The following WDHD1 variants were observed in gnomAD, a reference collection of about 807,000 sequenced individuals.
The protein encoded by WDHD1 is WD repeat and HMG-box DNA-binding protein 1.
Under a neutral mutation model 135.4 loss-of-function variants are expected in WDHD1, and 111 were observed. The ratio of observed to expected loss-of-function variants is 0.82; its 90% confidence interval spans 0.70 to 0.96. The LOEUF (loss-of-function observed/expected upper bound fraction) is 0.96. Ranked by LOEUF, WDHD1 falls within the 40% of genes least tolerant of loss-of-function variation. WDHD1 has a pLI of 0.00. For synonymous variants in WDHD1, 434 were observed against 439.0 expected (o/e 0.99, Z 0.14); for missense variants, 1,351 against 1,336.3 (o/e 1.01, Z -0.17).
chr14:55,013,317 A>G (rs1163171748), intron 3 of WDHD1, among the ~76,000 whole-genome samples, 168 bp downstream of exon 3: 1 of 151,890 alleles, frequency 6.6e-6, no homozygotes, highest in African/African-American at 2.4e-5. Context: ...TTCACACCCC[A>G]TCTCAAAAAA....
chr14:54,952,279 G>C (rs2041070781), intron 24 of WDHD1, among the ~76,000 whole-genome samples: 1 of 152,152 alleles, frequency 6.6e-6, no homozygotes, highest in South Asian at 2.1e-4. Context: ...AAGCTGATAG[G>C]GAACTTCAGC....
rs749191479 is a variant in WDHD1, at chr14:54,995,706, T to C, written c.1050A>G (p.Ser350=). The C allele has an allele frequency of 1.9e-6, 3 of 1,613,672 alleles. No individual in the cohort carries two copies. The East Asian group carries it at 6.7e-5, about 36-fold the overall frequency. Residue 350 remains serine, a synonymous_variant, in exon 11 of 26, where the codon TCA becomes TCG. Transcript: ENST00000360586. ...CCTCATCATCATTTATAATCCCTTT[T>C]GAAAAAGAAGGGATCTCAACTGCAT... The part of the protein sequence containing the change: ...NDNAVEIPSF[S]KGIINDDEDD...
intron 2 of WDHD1, among the ~76,000 whole-genome samples, chr14:55,014,180 G>A (rs945873950): frequency 5.9e-5 from 9 of 152,088 alleles, no homozygotes; most frequent in Non-Finnish European, 8.8e-5. Flanking sequence ...TAAACCCTCC[G>A]CCTCCCAGGC....
chr14:54,976,751 TAATA>T (rs890326971), intron 16 of WDHD1, among the ~76,000 whole-genome samples: 4 of 151,132 alleles, frequency 2.6e-5, no homozygotes, highest in East Asian at 1.9e-4. Context: ...AAATAATAAA[TAATA>T]AATAAATAAA....
chr14:55,013,465 G>T lies in WDHD1; in HGVS notation c.189+20C>A. ...ATGCCAGTATCATTTCATATCAATTGATATAACTGTTTTTACTACCTTCAA... is the reference window on the plus strand; with the variant it reads ...ATGCCAGTATCATTTCATATCAATTTATATAACTGTTTTTACTACCTTCAA... On this transcript the variant is annotated intron_variant, in intron 3 of 25. Transcript: ENST00000360586. 6.6e-7 allele frequency: 1 copy of T among 1,526,410 alleles called. No individual in the cohort carries two copies. The highest frequency in any genetic ancestry group is 1.1e-5 in the South Asian group (1 of 89,100). 94.6% of individuals were successfully genotyped at this position (1,526,410 alleles called of 1,614,324 possible). A position where few individuals can be genotyped will look rare whatever the true frequency, so the allele number is the denominator to read the frequency against.
chr14:55,022,613 C>T (rs1195204759), intron 2 of WDHD1, among the ~76,000 whole-genome samples: 1 of 151,784 alleles, frequency 6.6e-6, no homozygotes, highest in Non-Finnish European at 1.5e-5. Context: ...ACCCAGGAGG[C>T]GGAGGTTGCA....
chr14:54,957,987 G>A (rs1275645158), intron 21 of WDHD1, among the ~76,000 whole-genome samples: 5 of 152,094 alleles, frequency 3.3e-5, no homozygotes, highest in African/African-American at 1.2e-4. Flanking sequence ...GACCTATCAA[G>A]TTTCTTGACA....
chr14:55,016,230 A>G (rs1370071412), intron 2 of WDHD1, among the ~76,000 whole-genome samples: 3 of 152,206 alleles, frequency 2.0e-5, no homozygotes, highest in Non-Finnish European at 4.4e-5. Context: ...TATTAATTTT[A>G]TTGATTGCTA....
intron 18 of WDHD1, among the ~76,000 whole-genome samples, chr14:54,963,532 C>T (rs573502585): frequency 6.6e-6 from 1 of 152,030 alleles, no homozygotes; most frequent in African/African-American, 2.4e-5. Context: ...AGGCTGGGCA[C>T]GGTGGCTCAC....
intron 7 of WDHD1, among the ~76,000 whole-genome samples, chr14:55,003,162 A>G (rs746983873): frequency 2.0e-5 from 3 of 152,182 alleles, no homozygotes; most frequent in Non-Finnish European, 4.4e-5. Context: ...AAAAAAATAC[A>G]TACTACATTT....
chr14:55,002,145 C>T lies in WDHD1; in HGVS notation c.641G>A (p.Arg214Lys). 6.2e-7 allele frequency: 1 copy of T among 1,606,366 alleles called. No homozygotes were observed. The change falls in exon 8 of 26, where the codon AGA (arginine) becomes AAA (lysine). Residue 214 changes from arginine to lysine, a missense_variant. By Grantham distance (26) the Arg-to-Lys change is conservative (BLOSUM62 2). Transcript: ENST00000360586. ...AAATTGATGACTCCAAGATTCTCTT[C>T]TATATAGCTTAACAGATTTTTCCAC... is the stretch of plus-strand genomic sequence containing the variant. ...IPVEKSVKLY[R>K]RESWSHQFDL...
In WDHD1 at chr14:54,981,610, T is replaced by C. The variant is rs1287659193; in HGVS notation, c.1993A>G (p.Arg665Gly). Residue 665 changes from arginine to glycine, a missense_variant, in exon 16 of 26, where the codon AGA (arginine) becomes GGA (glycine). By Grantham distance (125) the Arg-to-Gly change is moderately radical (BLOSUM62 -2). This residue lies in a region of WDHD1 where 1,330 missense variants were observed against 1,296.1 expected (regional missense o/e 1.03). Transcript: ENST00000360586. Reference protein sequence around the residue: ...GNTWTPICNTREHCKGKSDHY... With the variant: ...GNTWTPICNTGEHCKGKSDHY... ...TCAGATTTTCCTTTGCAGTGCTCTC[T>C]TGTATTACATATAGGAGTCCACGTA... is the stretch of plus-strand genomic sequence containing the variant. 2 of 1,613,388 alleles carry C rather than the reference T, an allele frequency of 1.2e-6. No individual in the cohort carries two copies. The highest frequency in any genetic ancestry group is 1.7e-6 in the Non-Finnish European group (2 of 1,179,542).
At chr14:54,948,451 T>C (rs2040973180) in intron 24 of WDHD1, among the ~76,000 whole-genome samples, 1 of 152,098 alleles carries the variant, frequency 6.6e-6, no homozygotes, top group Non-Finnish European at 1.5e-5. Flanking sequence ...GCCTCACTCA[T>C]TGCTAGCACA....
chr14:54,972,905 T>C lies in WDHD1; in HGVS notation c.2064-5511A>G, dbSNP rs537859405. 7.7e-4 allele frequency among the ~76,000 whole-genome samples: 117 copies of C among 152,320 alleles called. 1 individual carries two copies. The highest frequency in any genetic ancestry group is 6.6e-3 in the South Asian group (32 of 4,828). ...TAATCTATATCTACTCTGATAAATA[T>C]GGTAACAGGTCAACGGGGCAAAGAC... is the stretch of plus-strand genomic sequence containing the variant. On this transcript the variant is annotated intron_variant, in intron 16 of 25. Transcript: ENST00000360586.
chr14:54,943,801 T>C (rs1357978134), intron 25 of WDHD1, among the ~76,000 whole-genome samples: 1 of 151,618 alleles, frequency 6.6e-6, no homozygotes, highest in Admixed American at 6.6e-5. Context: ...GTCAAAAAAT[T>C]AACCATCCAG....
In WDHD1 at chr14:55,006,558, A is replaced by G. The variant is rs538694753; in HGVS notation, c.600+722T>C. Among the ~76,000 whole-genome samples the G allele has an allele frequency of 3.3e-4, 51 of 152,260 alleles. No homozygotes were observed. In the South Asian group the frequency reaches 0.01, roughly 30 times the overall value. On this transcript the variant is annotated intron_variant, in intron 7 of 25. Transcript: ENST00000360586. ...CAGTTGATTTTCTTGGGATTTACTC[A>G]TATACAAACATTTCCTTTGCAAATA...
intron 12 of WDHD1, among the ~76,000 whole-genome samples, chr14:54,989,663 ATT>A (rs34783095): frequency 1.0e-4 from 15 of 144,516 alleles, no homozygotes; most frequent in Non-Finnish European, 1.1e-4. Flanking sequence ...AGAAAACATA[ATT>A]TTTTTTTTTT....
intron 24 of WDHD1, among the ~76,000 whole-genome samples, chr14:54,949,652 T>C (rs1436696185): frequency 2.0e-5 from 3 of 152,024 alleles, no homozygotes; most frequent in Non-Finnish European, 4.4e-5. Flanking sequence ...ATACAGAGAA[T>C]GCCACAAAGA....
chr14:55,022,637 G>A (rs140326760), intron 2 of WDHD1, among the ~76,000 whole-genome samples: 4,435 of 151,644 alleles, frequency 0.029, 212 homozygotes, highest in African/African-American at 0.093. Context: ...AGCTAAGATC[G>A]CGCCACTGCA....
Sources: gnomAD v4.1 joint callset for allele counts (sites outside exome capture counted in the v4.1 genomes callset) on GRCh38, gnomAD v4.1.1 for gene constraint, gnomAD v4.1.1 regional missense constraint, MANE v1.5 for transcripts, NCBI Gene and HGNC (gene_info 2026-07-23, HGNC 2026-07-21) for gene names.